The following NXPE3 variants were observed in gnomAD, a reference collection of about 807,000 sequenced individuals.
The protein encoded by NXPE3 is neurexophilin and PC-esterase domain family member 3.
NXPE3 carries 26 observed loss-of-function variants against 46.1 expected under a neutral mutation model. The observed-to-expected ratio is 0.56, with a 90% CI of 0.41 to 0.78. The LOEUF (loss-of-function observed/expected upper bound fraction) is 0.78, where lower values mean the gene tolerates loss of function less well. Among genes scored for constraint, NXPE3 ranks in the 30% least tolerant of loss-of-function variants. NXPE3 has a pLI of 0.00. For missense variants in NXPE3, 620 were observed against 686.0 expected, an observed-to-expected ratio of 0.90 and a Z score of 1.07; for synonymous variants, 272 against 257.9, an observed-to-expected ratio of 1.05 and a Z score of -0.52.
chr3:101,785,946 G>A (rs1940150040), intron 4 of NXPE3, among the ~76,000 whole-genome samples: 1 of 152,152 alleles, frequency 6.6e-6, no homozygotes, highest in African/African-American at 2.4e-5. Flanking sequence ...AAAAGTAGTA[G>A]TAATCATAAT....
In NXPE3 at chr3:101,812,909, A is replaced by G. The variant is rs142037777; in HGVS notation, c.923-3886A>G. ...CTATGAATTTATAGAATTTCTATCT[A>G]TATAGCATTCTTAGCTTACCTCTGT... On this transcript the variant is annotated intron_variant, in intron 6 of 7. Coordinates refer to ENST00000273347, the MANE Select transcript of NXPE3 (RefSeq NM_145037.4). Among the ~76,000 whole-genome samples the G allele has an allele frequency of 5.3e-5, 8 of 151,478 alleles. No individual in the cohort carries two copies. The East Asian group carries it at 1.4e-3, about 26-fold the overall frequency.
chr3:101,784,565 T>C (rs759791763), intron 3 of NXPE3, among the ~76,000 whole-genome samples: 5 of 152,128 alleles, frequency 3.3e-5, no homozygotes, highest in Non-Finnish European at 7.4e-5. Flanking sequence ...CTTTCTGCCT[T>C]TATTTCTGTG....
intron 4 of NXPE3, 43 bp from the exon 5 acceptor site, chr3:101,801,192 C>G: frequency 6.4e-7 from 1 of 1,556,496 alleles, no homozygotes; most frequent in South Asian, 1.2e-5. Context: ...ATACAGAGAC[C>G]TATTATAGTG....
intron 6 of NXPE3, among the ~76,000 whole-genome samples, chr3:101,809,599 T>A (rs535396879): frequency 6.6e-6 from 1 of 152,360 alleles, no homozygotes; most frequent in South Asian, 2.1e-4. Context: ...TTGGAATTCT[T>A]TTGCAAAGAA....
rs369678797 is a variant in NXPE3, at chr3:101,817,101, CAT to C, written c.1129+105_1129+106del. ...GAAGAAAGGTTATCAGGTGAGGAAA[CAT>C]ATATTTCTGTGTAGGACTAAAGAGG... On this transcript the variant is annotated intron_variant, in intron 7 of 7. Transcript: ENST00000273347. 33 of 1,036,170 alleles carry C rather than the reference CAT, an allele frequency of 3.2e-5. No individual in the cohort carries two copies. In the East Asian group the frequency reaches 6.2e-4, roughly 19 times the overall value. The allele number at this position is 1,036,170 out of a possible 1,614,324, so 64.2% of individuals were successfully genotyped here. A position where few individuals can be genotyped will look rare whatever the true frequency, so the allele number is the denominator to read the frequency against.
In NXPE3 at chr3:101,827,347, A is replaced by G. The variant is rs898076925; in HGVS notation, c.*5393A>G. Reference sequence around the variant, plus strand: ...GTTCATTTGCTGTTAAATCTACCCCATTACCATTCCCCTTACTCCTTGAAA... The same window carrying G: ...GTTCATTTGCTGTTAAATCTACCCCGTTACCATTCCCCTTACTCCTTGAAA... On this transcript the variant is annotated 3_prime_UTR_variant, in exon 8 of 8. Transcript: ENST00000273347. The G allele has an allele frequency of 9.9e-5, 15 of 152,196 alleles. No individual in the cohort carries two copies. Among genetic ancestry groups the G allele is most frequent in the African/African-American group, 3.4e-4 (14 of 41,448 alleles). 9.4% of individuals were successfully genotyped at this position (152,196 alleles called of 1,614,324 possible).
chr3:101,816,712 T>A, intron 6 of NXPE3, 83 bp from the exon 7 acceptor site: 4 of 1,033,748 alleles, frequency 3.9e-6, no homozygotes, highest in Non-Finnish European at 5.7e-6. Flanking sequence ...AACAAATACA[T>A]GGGCATAATT....
At chr3:101,802,127 T>TAAAA in intron 5 of NXPE3, 138 bp downstream of exon 5, 1 of 565,370 alleles carries the variant, frequency 1.8e-6, no homozygotes, top group Non-Finnish European at 2.8e-6. Flanking sequence ...AGGTAGTGAA[T>TAAAA]AAAAAAAAAA....
At chr3:101,812,761 G>A (rs1053027128) in intron 6 of NXPE3, among the ~76,000 whole-genome samples, 1 of 126,882 alleles carries the variant, frequency 7.9e-6, no homozygotes, top group Non-Finnish European at 1.6e-5. Flanking sequence ...GCAGTGAGCC[G>A]AGATTGCGCC....
intron 6 of NXPE3, among the ~76,000 whole-genome samples, chr3:101,811,870 A>G (rs543504870): frequency 6.6e-6 from 1 of 151,052 alleles, no homozygotes; most frequent in African/African-American, 2.4e-5. Flanking sequence ...AGTAGCTACC[A>G]TTGCAGGCAC....
chr3:101,790,705 C>T (rs1940461901), intron 4 of NXPE3, among the ~76,000 whole-genome samples: 1 of 152,076 alleles, frequency 6.6e-6, no homozygotes, highest in Admixed American at 6.6e-5. Flanking sequence ...TGATCCTCTC[C>T]TCTCAGCCTT....
intron 4 of NXPE3, among the ~76,000 whole-genome samples, chr3:101,796,347 G>A (rs1314766234): frequency 6.6e-6 from 1 of 152,190 alleles, no homozygotes; most frequent in African/African-American, 2.4e-5. Context: ...AAAGATGGCG[G>A]GTGTGAAGTT....
intron 7 of NXPE3, among the ~76,000 whole-genome samples, chr3:101,821,060 A>T (rs1942224183): frequency 6.6e-6 from 1 of 152,228 alleles, no homozygotes; most frequent in Non-Finnish European, 1.5e-5. Context: ...GATTGCAATG[A>T]TCAGTGCAAA....
intron 4 of NXPE3, among the ~76,000 whole-genome samples, 170 bp from the exon 5 acceptor site, chr3:101,801,065 C>G (rs1445065329): frequency 4.6e-5 from 7 of 152,130 alleles, no homozygotes; most frequent in Admixed American, 6.5e-5. Context: ...GTCCTTTTCC[C>G]TTTCTCTTCC....
At chr3:101,818,693 AC>A (rs1445643817) in intron 7 of NXPE3, among the ~76,000 whole-genome samples, 1 of 124,288 alleles carries the variant, frequency 8.0e-6, no homozygotes, top group Non-Finnish European at 1.7e-5. Flanking sequence ...ACCTACTTTA[AC>A]CCTTAAGAAT....
intron 6 of NXPE3, among the ~76,000 whole-genome samples, chr3:101,811,100 C>G (rs749716123): frequency 6.6e-6 from 1 of 152,164 alleles, no homozygotes; most frequent in Admixed American, 6.5e-5. Flanking sequence ...GGATTACATG[C>G]GTGAGCCACG....
At chr3:101,783,308 G>A (rs1478996297) in intron 3 of NXPE3, among the ~76,000 whole-genome samples, 2 of 152,174 alleles carry the variant, frequency 1.3e-5, no homozygotes, top group Non-Finnish European at 2.9e-5. Flanking sequence ...TGATCCGCCT[G>A]CCTCGGCCTC....
At chr3:101,817,127 G>A in intron 7 of NXPE3, 126 bp downstream of exon 7, 3 of 812,014 alleles carry the variant, frequency 3.7e-6, no homozygotes, top group Non-Finnish European at 6.2e-6. Flanking sequence ...GGACTAAAGA[G>A]GTACCCAAAC....
chr3:101,813,819 T>C (rs1941835061), intron 6 of NXPE3, among the ~76,000 whole-genome samples: 1 of 152,248 alleles, frequency 6.6e-6, no homozygotes, highest in Admixed American at 6.5e-5. Context: ...ATGAACTGCA[T>C]TGTGAGTTCC....
Sources: gnomAD v4.1 joint callset for allele counts (sites outside exome capture counted in the v4.1 genomes callset) on GRCh38, gnomAD v4.1.1 for gene constraint, MANE v1.5 for transcripts, NCBI Gene and HGNC (gene_info 2026-07-23, HGNC 2026-07-21) for gene names.